The following GRAMD2B variants were observed in gnomAD, a reference collection of about 807,000 sequenced individuals.
GRAMD2B encodes the protein GRAM domain containing 2B.
A neutral mutation model predicts 59.2 loss-of-function variants in GRAMD2B; 41 were observed. The observed-to-expected ratio is 0.69, with a 90% CI of 0.54 to 0.90. The LOEUF (loss-of-function observed/expected upper bound fraction) is 0.90, where lower values mean the gene tolerates loss of function less well. Among genes scored for constraint, GRAMD2B ranks in the 40% least tolerant of loss-of-function variants. GRAMD2B has a pLI of 0.00. For synonymous variants in GRAMD2B, 161 were observed against 182.7 expected, an observed-to-expected ratio of 0.88 and a Z score of 0.96; for missense variants, 424 against 500.5, an observed-to-expected ratio of 0.85 and a Z score of 1.46.
upstream of GRAMD2B, among the ~76,000 whole-genome samples, chr5:126,419,817 G>A (rs1488887162): frequency 6.6e-6 from 1 of 152,122 alleles, no homozygotes; most frequent in East Asian, 1.9e-4. Context: ...AGCACTTTGG[G>A]AGGCCAAGGT....
chr5:126,467,178 G>A (rs534210190), intron 2 of GRAMD2B, among the ~76,000 whole-genome samples: 5 of 152,170 alleles, frequency 3.3e-5, no homozygotes, highest in African/African-American at 1.2e-4. Context: ...AGGAGGCTGA[G>A]GCAGAAGAAT....
At position 126,477,390 on chromosome 5, in the gene GRAMD2B, T is replaced by C. The variant is rs548926859; in HGVS notation, c.487-302T>C. On this transcript the variant is annotated intron_variant, in intron 5 of 13. Coordinates refer to ENST00000285689, the MANE Select transcript of GRAMD2B (RefSeq NM_023927.4). ...AAATTTCTTTAGAGCCTTGTGCTTA[T>C]CTTTAAAATGAATACATATTTTGCA... Among the ~76,000 whole-genome samples, 10 of 152,376 alleles carry C rather than the reference T, an allele frequency of 6.6e-5. No homozygotes were observed. The South Asian group carries it at 1.5e-3, about 22-fold the overall frequency.
chr5:126,368,020 G>A (rs4836253), upstream of GRAMD2B, among the ~76,000 whole-genome samples: 20,335 of 152,174 alleles, frequency 0.13, 1,745 homozygotes, highest in East Asian at 0.32. Flanking sequence ...CAAAGTGCTG[G>A]GATTACAGGC....
At chr5:126,409,857 ATTT>A (rs888381032) in intron 1 of GRAMD2B, among the ~76,000 whole-genome samples, 196 of 152,110 alleles carry the variant, frequency 1.3e-3, no homozygotes, top group African/African-American at 4.6e-3. Flanking sequence ...TCTTGAATTA[ATTT>A]TTGTATAAGG....
intron 1 of GRAMD2B, among the ~76,000 whole-genome samples, chr5:126,409,460 G>A (rs1236591497): frequency 6.6e-6 from 1 of 152,108 alleles, no homozygotes; most frequent in Non-Finnish European, 1.5e-5. Context: ...ATTTTTTCAT[G>A]TGTTTTTTGG....
intron 1 of GRAMD2B, among the ~76,000 whole-genome samples, chr5:126,379,051 AC>A (rs1213665661): frequency 6.7e-6 from 1 of 150,000 alleles, no homozygotes; most frequent in Non-Finnish European, 1.5e-5. Context: ...TTTATCCCTC[AC>A]CCCCCTCCCA....
At position 126,466,299 on chromosome 5, in the gene GRAMD2B, A is replaced by G. The variant is rs979996933; in HGVS notation, c.203+754A>G. The G allele has an allele frequency of 5.3e-6, 8 of 1,519,104 alleles. No individual in the cohort carries two copies. The East Asian group carries it at 1.5e-4, about 28-fold the overall frequency. 94.1% of individuals were successfully genotyped at this position (1,519,104 alleles called of 1,614,324 possible). On this transcript the variant is annotated intron_variant, in intron 2 of 13. Transcript: ENST00000285689. ...CTTCCTTCCTGGCTTCCCAGCCCAT[A>G]TCTTCTCTCCAAATCTATGCTTCAT...
chr5:126,460,184 C>G (rs558742042), intron 1 of GRAMD2B, among the ~76,000 whole-genome samples: 16 of 152,146 alleles, frequency 1.1e-4, no homozygotes, highest in South Asian at 2.1e-4. Context: ...ATTTGTGGTT[C>G]AAAAATGCAC....
Position 126,469,723 on chromosome 5 carries a change from G to T in GRAMD2B, c.250G>T (p.Asp84Tyr). Reference sequence around the variant, plus strand: ...TGCCTCTTTAGCAAGTGATAAGAACGACTGTAAAACAGAAAGCAAAAATGA... The same window carrying T: ...TGCCTCTTTAGCAAGTGATAAGAACTACTGTAAAACAGAAAGCAAAAATGA... ...DGASLASDKN[D>Y]CKTESKNDPK... is the part of the protein sequence containing the mutation. The change falls in exon 3 of 14, where the codon GAC becomes TAC. Residue 84 changes from aspartate to tyrosine, a missense_variant. Asp to Tyr is a radical substitution (Grantham distance 160). Transcript: ENST00000285689. The T allele has an allele frequency of 6.2e-7, 1 of 1,613,870 alleles. No individual in the cohort carries two copies. The highest frequency in any genetic ancestry group is 1.1e-5 in the South Asian group (1 of 91,022).
At chr5:126,362,747 G>A (rs951377162) in intron 1 of GRAMD2B, among the ~76,000 whole-genome samples, 1 of 152,148 alleles carries the variant, frequency 6.6e-6, no homozygotes, top group African/African-American at 2.4e-5. Flanking sequence ...GAAAAGAATA[G>A]CCTTTTCAAC....
intron 1 of GRAMD2B, 55 bp from the exon 2 acceptor site, chr5:126,465,371 T>G (rs757913753): frequency 7.5e-6 from 12 of 1,607,964 alleles, no homozygotes; most frequent in Non-Finnish European, 1.0e-5. Flanking sequence ...ATCGTTTTCC[T>G]TCCAGCTACC....
chr5:126,391,799 G>T (rs1288597227), intron 1 of GRAMD2B, among the ~76,000 whole-genome samples: 1 of 152,144 alleles, frequency 6.6e-6, no homozygotes, highest in Non-Finnish European at 1.5e-5. Context: ...TTTGGGGAGG[G>T]TGATGAAAAT....
At chr5:126,430,778 T>C (rs1265533143) in intron 1 of GRAMD2B, among the ~76,000 whole-genome samples, 4 of 152,246 alleles carry the variant, frequency 2.6e-5, no homozygotes, top group African/African-American at 9.6e-5. Flanking sequence ...CCTTATACTT[T>C]GTAACAATAA....
At chr5:126,463,280 C>T (rs551535739) in intron 1 of GRAMD2B, among the ~76,000 whole-genome samples, 24 of 152,290 alleles carry the variant, frequency 1.6e-4, no homozygotes, top group African/African-American at 5.8e-4. Context: ...CAGTAAATAT[C>T]TGAATAAATG....
chr5:126,394,789 T>G (rs917091520), intron 1 of GRAMD2B, among the ~76,000 whole-genome samples: 4 of 152,234 alleles, frequency 2.6e-5, no homozygotes, highest in African/African-American at 9.6e-5. Context: ...TGTTTTGTAA[T>G]CTCAAGAAAC....
At chr5:126,388,071 A>C (rs1756341465) in intron 1 of GRAMD2B, among the ~76,000 whole-genome samples, 1 of 152,136 alleles carries the variant, frequency 6.6e-6, no homozygotes, top group South Asian at 2.1e-4. Flanking sequence ...ACTGCTGTTA[A>C]CTTAAAGATG....
chr5:126,478,378 C>G (rs1212226276), intron 6 of GRAMD2B, among the ~76,000 whole-genome samples: 1 of 152,030 alleles, frequency 6.6e-6, no homozygotes, highest in Non-Finnish European at 1.5e-5. Flanking sequence ...GTAAAGGCTG[C>G]AGTGAGCCAT....
upstream of GRAMD2B, among the ~76,000 whole-genome samples, chr5:126,368,166 A>G (rs1481146370): frequency 6.6e-6 from 1 of 152,092 alleles, no homozygotes; most frequent in Non-Finnish European, 1.5e-5. Context: ...GCCACTGTGC[A>G]TGTTCCTTTT....
upstream of GRAMD2B, among the ~76,000 whole-genome samples, chr5:126,369,056 C>G (rs988056853): frequency 2.0e-5 from 3 of 152,174 alleles, no homozygotes; most frequent in African/African-American, 4.8e-5. Flanking sequence ...CACTATTCCT[C>G]TACTTCACCA....
Sources: gnomAD v4.1 joint callset for allele counts (sites outside exome capture counted in the v4.1 genomes callset) on GRCh38, gnomAD v4.1.1 for gene constraint, MANE v1.5 for transcripts, NCBI Gene and HGNC (gene_info 2026-07-23, HGNC 2026-07-21) for gene names.